Variants in CDKAL1 observed in about 807,000 individuals in gnomAD.
The protein encoded by CDKAL1 is CDKAL1 threonylcarbamoyladenosine tRNA methylthiotransferase.
Under a neutral mutation model 68.2 loss-of-function variants are expected in CDKAL1, and 32 were observed. That is an observed-to-expected ratio of 0.47 (90% confidence interval 0.35 to 0.63). The LOEUF is 0.63. Among genes scored for constraint, CDKAL1 ranks in the 30% least tolerant of loss-of-function variants. The pLI, the probability that CDKAL1 is intolerant of heterozygous loss-of-function variation, is 0.00. For missense variants in CDKAL1, 606 were observed against 696.7 expected (o/e 0.87, Z 1.47); for synonymous variants, 234 against 244.3 (o/e 0.96, Z 0.39).
chr6:20,955,730 G>T (rs1004357936), intron 10 of CDKAL1, 145 bp downstream of exon 10: 53 of 640,420 alleles, frequency 8.3e-5, no homozygotes, highest in Non-Finnish European at 1.2e-4. Context: ...AATGAATCAA[G>T]ACTTTCAAAT....
intron 5 of CDKAL1, among the ~76,000 whole-genome samples, chr6:20,688,914 A>T (rs1013620934): frequency 6.6e-6 from 1 of 152,176 alleles, no homozygotes; most frequent in Non-Finnish European, 1.5e-5. Flanking sequence ...GTGTTCTGTA[A>T]TCCACTGATT....
chr6:20,826,658 G>A (rs1204760919), intron 8 of CDKAL1, among the ~76,000 whole-genome samples: 1 of 152,096 alleles, frequency 6.6e-6, no homozygotes, highest in Admixed American at 6.6e-5. Flanking sequence ...CACGAACTCC[G>A]TCCTTCCTCC....
At chr6:20,815,502 C>CT (rs200376724) in intron 8 of CDKAL1, among the ~76,000 whole-genome samples, 60 of 149,950 alleles carry the variant, frequency 4.0e-4, no homozygotes, top group East Asian at 7.8e-4. Context: ...TCTTTTTCTC[C>CT]TTTTTTTTTA....
chr6:21,230,782 T>C lies in CDKAL1; in HGVS notation c.1549-66T>C, dbSNP rs185611223. 189 of 1,268,062 alleles carry C rather than the reference T, an allele frequency of 1.5e-4. No homozygotes were observed. In the African/African-American group the frequency reaches 2.5e-3, roughly 16 times the overall value. 78.6% of individuals were successfully genotyped at this position (1,268,062 alleles called of 1,614,324 possible). On this transcript the variant is annotated intron_variant, in intron 15 of 15. Coordinates refer to ENST00000274695, the MANE Select transcript of CDKAL1 (RefSeq NM_017774.3). ...GCACCTTCTGGAACCCATTGCTTGA[T>C]TGATATCACAACAGGGCTTTCTCTG...
At chr6:20,609,505 C>T (rs891447972) in intron 4 of CDKAL1, among the ~76,000 whole-genome samples, 19 of 151,156 alleles carry the variant, frequency 1.3e-4, no homozygotes, top group African/African-American at 4.1e-4. Flanking sequence ...AAGTGATTCT[C>T]CTGCCTCAGC....
chr6:21,168,951 G>A (rs1777262879), intron 13 of CDKAL1, among the ~76,000 whole-genome samples: 1 of 152,038 alleles, frequency 6.6e-6, no homozygotes, highest in African/African-American at 2.4e-5. Context: ...GCCCAAGACA[G>A]GAGCTAATTT....
At chr6:21,068,304 C>A (rs533167441) in intron 12 of CDKAL1, among the ~76,000 whole-genome samples, 1 of 152,042 alleles carries the variant, frequency 6.6e-6, no homozygotes, top group Non-Finnish European at 1.5e-5. Flanking sequence ...CATAAAGATA[C>A]CCCTCAATGT....
chr6:21,135,721 G>C lies in CDKAL1; in HGVS notation c.1299+27258G>C, dbSNP rs940195052. Reference sequence around the variant, plus strand: ...AAGCTGGGACAGGACTGAAAGGGAAGGTATTCTAAACCAAACCATTTCATT... The same window carrying C: ...AAGCTGGGACAGGACTGAAAGGGAACGTATTCTAAACCAAACCATTTCATT... On this transcript the variant is annotated intron_variant, in intron 13 of 15. Coordinates refer to ENST00000274695, the MANE Select transcript of CDKAL1 (RefSeq NM_017774.3). 5.0e-5 allele frequency: 49 copies of C among 984,098 alleles called. No homozygotes were observed. In the African/African-American group the frequency reaches 8.4e-4, roughly 17 times the overall value. The allele number at this position is 984,098 out of a possible 1,614,324, so 61.0% of individuals were successfully genotyped here.
rs190559361 is a variant in CDKAL1 at position 21,205,631 on chromosome 6, C to T, written c.1548+4357C>T. On this transcript the variant is annotated intron_variant, in intron 15 of 15. Coordinates refer to ENST00000274695, the MANE Select transcript of CDKAL1 (RefSeq NM_017774.3). ...CTGTAAGCTCCGCCTCCTGGGTTCA[C>T]GCCATTCTCCTGCCGCAGCCTCCCG... Among the ~76,000 whole-genome samples the T allele has an allele frequency of 1.5e-3, 221 of 151,228 alleles. 1 individual carries two copies. Among genetic ancestry groups the T allele is most frequent in the African/African-American group, 4.4e-3 (180 of 41,118 alleles).
intron 4 of CDKAL1, among the ~76,000 whole-genome samples, chr6:20,564,360 G>T (rs1448460571): frequency 6.6e-6 from 1 of 152,144 alleles, no homozygotes; most frequent in Non-Finnish European, 1.5e-5. Flanking sequence ...ATTTAGCTCA[G>T]TTCCTAAATA....
intron 13 of CDKAL1, among the ~76,000 whole-genome samples, chr6:21,132,492 G>T (rs963333598): frequency 6.6e-6 from 1 of 150,678 alleles, no homozygotes; most frequent in African/African-American, 2.5e-5. Context: ...TATACATAAG[G>T]TCTTATTTAT....
At chr6:21,206,123 A>AC (rs1428322698) in intron 15 of CDKAL1, among the ~76,000 whole-genome samples, 1 of 151,748 alleles carries the variant, frequency 6.6e-6, no homozygotes, top group African/African-American at 2.4e-5. Flanking sequence ...GAGCCACCAC[A>AC]CCGGACCAGT....
intron 5 of CDKAL1, among the ~76,000 whole-genome samples, 179 bp downstream of exon 5, chr6:20,649,556 T>C (rs534454214): frequency 6.6e-6 from 1 of 152,338 alleles, no homozygotes; most frequent in South Asian, 2.1e-4. Context: ...TTTTTTATTT[T>C]TTATTTTTAA....
At chr6:20,938,596 G>C (rs1222023088) in intron 9 of CDKAL1, among the ~76,000 whole-genome samples, 1 of 151,988 alleles carries the variant, frequency 6.6e-6, no homozygotes, top group Non-Finnish European at 1.5e-5. Context: ...GTTTTAAAGG[G>C]AAAATGGATT....
At chr6:20,642,477 GA>G (rs70990055) in intron 4 of CDKAL1, among the ~76,000 whole-genome samples, 70 of 117,826 alleles carry the variant, frequency 5.9e-4, no homozygotes, top group East Asian at 1.9e-3. Context: ...ATGAAAAACA[GA>G]AAAAAAAAAA....
intron 9 of CDKAL1, among the ~76,000 whole-genome samples, chr6:20,945,852 G>A (rs1764212867): frequency 6.6e-6 from 1 of 151,762 alleles, no homozygotes; most frequent in African/African-American, 2.4e-5. Context: ...TGTATATTTT[G>A]GTCAATTATA....
At chr6:21,102,274 T>C (rs1223373146) in intron 12 of CDKAL1, among the ~76,000 whole-genome samples, 1 of 152,188 alleles carries the variant, frequency 6.6e-6, no homozygotes, top group Non-Finnish European at 1.5e-5. Context: ...AATAACATTT[T>C]CCTTCTTCAA....
intron 5 of CDKAL1, among the ~76,000 whole-genome samples, chr6:20,704,467 A>AT (rs112702198): frequency 0.015 from 2,270 of 152,172 alleles, 48 homozygotes; most frequent in African/African-American, 0.052. Flanking sequence ...GGAAACAGCA[A>AT]TAAAAAAAAC....
chr6:20,882,410 T>A (rs1760868919), intron 9 of CDKAL1, among the ~76,000 whole-genome samples: 1 of 152,222 alleles, frequency 6.6e-6, no homozygotes, highest in South Asian at 2.1e-4. Context: ...TGCGTTTCCA[T>A]ATGAAGACTC....
Sources: gnomAD v4.1 joint callset for allele counts (sites outside exome capture counted in the v4.1 genomes callset) on GRCh38, gnomAD v4.1.1 for gene constraint, MANE v1.5 for transcripts, NCBI Gene and HGNC (gene_info 2026-07-23, HGNC 2026-07-21) for gene names.